The following ABCC12 variants were observed in gnomAD, a reference collection of about 807,000 sequenced individuals.
The protein encoded by ABCC12 is ATP-binding cassette sub-family C member 12.
A neutral mutation model predicts 151.1 loss-of-function variants in ABCC12; 142 were observed. That is an observed-to-expected ratio of 0.94 (90% CI 0.82 to 1.08). ABCC12 has a LOEUF of 1.08. Among genes scored for constraint, ABCC12 ranks in the 50% least tolerant of loss-of-function variants. ABCC12 has a pLI of 0.00. For missense variants in ABCC12, 1,638 were observed against 1,691.1 expected (o/e 0.97, Z 0.55); for synonymous variants, 645 against 646.4 (o/e 1.00, Z 0.03).
rs1461223961 is a variant in ABCC12 at position 48,128,534 on chromosome 16, C to T, written c.1440G>A (p.Lys480=). 2.5e-6 allele frequency: 4 copies of T among 1,614,230 alleles called. No individual in the cohort carries two copies. The highest frequency in any genetic ancestry group is 3.4e-6 in the Non-Finnish European group (4 of 1,180,046). The change falls in exon 11 of 31, where the codon AAG becomes AAA. Residue 480 remains lysine, a synonymous_variant. Coordinates refer to ENST00000311303, the MANE Select transcript of ABCC12 (RefSeq NM_001393797.1). ...EAYSERSPPA[K]GATGPEEQSD... The stretch of plus-strand genomic sequence containing the variant: ...TTTGCTCCTCTGGGCCAGTGGCTCC[C>T]TTGGCTGGTGGACTCCTCTCACTGT...
intron 15 of ABCC12, among the ~76,000 whole-genome samples, chr16:48,114,609 C>T (rs538413950): frequency 2.2e-4 from 33 of 152,288 alleles, no homozygotes; most frequent in Middle Eastern, 3.4e-3. Context: ...CCCACGTGCA[C>T]GCATGAACAC....
chr16:48,140,536 A>G, intron 6 of ABCC12, 151 bp downstream of exon 6: 1 of 757,378 alleles, frequency 1.3e-6, no homozygotes, highest in Non-Finnish European at 2.2e-6. Flanking sequence ...CTGTGTCTCC[A>G]CCACCTCACT....
chr16:48,125,236 C>A (rs1964201224), intron 11 of ABCC12, among the ~76,000 whole-genome samples: 1 of 152,190 alleles, frequency 6.6e-6, no homozygotes. Context: ...GAATATCCTA[C>A]ACAGGAGGCA....
At chr16:48,107,053 C>G (rs1963516704) in intron 20 of ABCC12, among the ~76,000 whole-genome samples, 2 of 152,190 alleles carry the variant, frequency 1.3e-5, no homozygotes, top group Admixed American at 6.5e-5. Context: ...TTGTACGTGC[C>G]TGATTCCAGA....
intron 13 of ABCC12, 30 bp downstream of exon 13, chr16:48,121,686 T>C: frequency 6.2e-7 from 1 of 1,613,462 alleles, no homozygotes; most frequent in Middle Eastern, 1.7e-4. Context: ...CAAACACAAA[T>C]GTGCCTCCTG....
In ABCC12 at chr16:48,111,510, A is replaced by C; in HGVS notation, c.2210-3T>G. The stretch of plus-strand genomic sequence containing the variant: ...TTTCTCATTTCCTGGAGCCAAAACT[A>C]GGGTGAGAAATAAAGAGAGATCTGT... On this transcript the variant is annotated splice_region_variant and splice_polypyrimidine_tract_variant and intron_variant, in intron 17 of 30. Coordinates refer to ENST00000311303, the MANE Select transcript of ABCC12 (RefSeq NM_001393797.1). The C allele has an allele frequency of 1.2e-6, 2 of 1,614,192 alleles. No homozygotes were observed. The highest frequency in any genetic ancestry group is 1.7e-6 in the Non-Finnish European group (2 of 1,180,026).
intron 29 of ABCC12, among the ~76,000 whole-genome samples, chr16:48,084,716 C>T (rs961616582): frequency 2.0e-5 from 3 of 152,116 alleles, no homozygotes; most frequent in African/African-American, 7.2e-5. Context: ...TCTCAAGATC[C>T]TTAATCGCAA....
chr16:48,086,924 T>C (rs897894638), intron 27 of ABCC12, 105 bp from the exon 28 acceptor site: 1 of 920,578 alleles, frequency 1.1e-6, no homozygotes, highest in Non-Finnish European at 1.8e-6. Flanking sequence ...GGAGGTGGCA[T>C]GTGATGACCT....
chr16:48,126,512 C>T (rs1321927275), intron 11 of ABCC12, among the ~76,000 whole-genome samples: 3 of 152,214 alleles, frequency 2.0e-5, no homozygotes, highest in Non-Finnish European at 4.4e-5. Flanking sequence ...GAGGGCAGCA[C>T]TTAAGCTGGA....
chr16:48,088,801 T>A (rs1962749515), intron 25 of ABCC12, 67 bp from the exon 26 acceptor site: 1 of 1,363,568 alleles, frequency 7.3e-7, no homozygotes, highest in South Asian at 1.3e-5. Flanking sequence ...AACTAATTCA[T>A]TCATTGATTC....
intron 1 of ABCC12, among the ~76,000 whole-genome samples, chr16:48,154,796 G>T (rs1965162254): frequency 6.6e-6 from 1 of 152,200 alleles, no homozygotes; most frequent in Admixed American, 6.5e-5. Context: ...TGCTCATGAT[G>T]GGAGTTCCTC....
chr16:48,133,884 A>G, intron 8 of ABCC12, 49 bp from the exon 9 acceptor site: 1 of 1,607,228 alleles, frequency 6.2e-7, no homozygotes, highest in Non-Finnish European at 8.5e-7. Flanking sequence ...CATGTCGAAC[A>G]CTAGCATTAT....
intron 12 of ABCC12, among the ~76,000 whole-genome samples, chr16:48,122,120 G>A (rs1050003936): frequency 4.0e-4 from 61 of 152,234 alleles, no homozygotes; most frequent in African/African-American, 1.4e-3. Context: ...TGCTCCCAGT[G>A]CACATGGCAC....
intron 2 of ABCC12, 52 bp from the exon 3 acceptor site, chr16:48,146,526 G>T (rs894270324): frequency 3.2e-5 from 29 of 918,526 alleles, no homozygotes; most frequent in Non-Finnish European, 4.9e-5. Flanking sequence ...GTCTGATTGG[G>T]ATCAGGCAGC....
chr16:48,118,586 A>T (rs970045604), intron 13 of ABCC12, among the ~76,000 whole-genome samples: 2 of 152,228 alleles, frequency 1.3e-5, no homozygotes, highest in African/African-American at 4.8e-5. Context: ...TCTTTCCTTC[A>T]GCGAGTAACA....
At chr16:48,145,678 C>CA (rs1964974220) in intron 3 of ABCC12, among the ~76,000 whole-genome samples, 1 of 152,196 alleles carries the variant, frequency 6.6e-6, no homozygotes, top group Non-Finnish European at 1.5e-5. Context: ...ACTGTGTGAC[C>CA]GAGCCTGGGC....
At chr16:48,124,878 C>T (rs1473590484) in intron 11 of ABCC12, among the ~76,000 whole-genome samples, 1 of 152,172 alleles carries the variant, frequency 6.6e-6, no homozygotes, top group Non-Finnish European at 1.5e-5. Flanking sequence ...CTGAGTCTAC[C>T]CTCATAGAAC....
In ABCC12 at chr16:48,124,248, C is replaced by A. The variant is rs1435987137; in HGVS notation, c.1552G>T (p.Gly518Ter). The change falls in exon 12 of 31, where the codon GGA (glycine) becomes TGA (stop). Residue 518 changes from glycine (G) to a stop codon, truncating the protein, a stop_gained. Coordinates refer to ENST00000311303, the MANE Select transcript of ABCC12 (RefSeq NM_001393797.1). LOFTEE classifies it high-confidence loss of function. ...AGAGCTGCAAGGAGGGAGCTCTTTC[C>A]ACTTCCCACATTCCCACATATTCCC... ...ILGICGNVGS[G>*]KSSLLAALLG... The A allele has an allele frequency of 6.2e-7, 1 of 1,614,248 alleles. No homozygotes were observed. The highest frequency in any genetic ancestry group is 1.7e-5 in the Admixed American group (1 of 60,028).
intron 13 of ABCC12, among the ~76,000 whole-genome samples, chr16:48,119,794 G>C (rs1481033371): frequency 6.6e-6 from 1 of 152,208 alleles, no homozygotes; most frequent in Non-Finnish European, 1.5e-5. Context: ...GAAGGTTTCT[G>C]AGTGACCCAG....
Sources: gnomAD v4.1 joint callset for allele counts (sites outside exome capture counted in the v4.1 genomes callset) on GRCh38, gnomAD v4.1.1 for gene constraint, MANE v1.5 for transcripts, NCBI Gene and HGNC (gene_info 2026-07-23, HGNC 2026-07-21) for gene names.